PPM1E: variants seen among roughly 807,000 people sequenced by gnomAD.
PPM1E encodes protein phosphatase, Mg2+/Mn2+ dependent 1E.
In PPM1E, 20 loss-of-function variants were observed where a neutral mutation model predicts 65.9. That is an observed-to-expected ratio of 0.30 (90% CI 0.21 to 0.44). PPM1E has a LOEUF of 0.44. Ranked by LOEUF, PPM1E falls within the 20% of genes least tolerant of loss-of-function variation. PPM1E has a pLI of 1.00. For synonymous variants in PPM1E, 352 were observed against 374.9 expected, an observed-to-expected ratio of 0.94 and a Z score of 0.70; for missense variants, 713 against 953.1, an observed-to-expected ratio of 0.75 and a Z score of 3.32.
chr17:58,882,061 T>C (rs12938821), intron 1 of PPM1E, among the ~76,000 whole-genome samples: 95,041 of 149,330 alleles, frequency 0.64, 30,624 homozygotes, highest in African/African-American at 0.71. Context: ...GTCCCAGCTA[T>C]TTGGGAGGCT....
At chr17:58,831,310 AC>A (rs1329263615) in intron 1 of PPM1E, among the ~76,000 whole-genome samples, 1 of 152,098 alleles carries the variant, frequency 6.6e-6, no homozygotes, top group East Asian at 1.9e-4. Flanking sequence ...CAGACTTAAA[AC>A]TTTATCTTAA....
At chr17:58,781,881 G>A (rs1478893241) in intron 1 of PPM1E, among the ~76,000 whole-genome samples, 4 of 151,400 alleles carry the variant, frequency 2.6e-5, no homozygotes, top group African/African-American at 7.3e-5. Context: ...GCAAGACTCC[G>A]TCTCAAAAGA....
chr17:58,973,776 C>T (rs777297542), intron 6 of PPM1E, among the ~76,000 whole-genome samples: 1 of 151,908 alleles, frequency 6.6e-6, no homozygotes, highest in Non-Finnish European at 1.5e-5. Flanking sequence ...CACGATGAAT[C>T]CCCGTCTCTA....
At position 58,981,597 on chromosome 17, in the gene PPM1E, A is replaced by AAAG. The variant is rs1306449438; in HGVS notation, c.*567_*569dup. On this transcript the variant is annotated 3_prime_UTR_variant, in exon 7 of 7. Transcript: ENST00000308249. ...ACAATGAAAGTGGTAAATCAGTGTA[A>AAAG]AAGTGTCATATTCTCAGACTTGTGA... 9 of 152,686 alleles carry AAAG rather than the reference A, an allele frequency of 5.9e-5. No individual in the cohort carries two copies. Among genetic ancestry groups the AAAG allele is most frequent in the Non-Finnish European group, 1.5e-5 (1 of 68,076 alleles). 9.5% of individuals were successfully genotyped at this position (152,686 alleles called of 1,614,324 possible).
chr17:58,930,593 A>T (rs1224116406), intron 1 of PPM1E, among the ~76,000 whole-genome samples: 2 of 152,256 alleles, frequency 1.3e-5, no homozygotes, highest in African/African-American at 2.4e-5. Context: ...CAAAGTAGAG[A>T]TAGGTCAAGG....
At chr17:58,802,320 T>C (rs1218193476) in intron 1 of PPM1E, among the ~76,000 whole-genome samples, 2 of 152,184 alleles carry the variant, frequency 1.3e-5, no homozygotes, top group African/African-American at 2.4e-5. Context: ...CTTGGTACCT[T>C]TGTTGAAGAT....
At chr17:58,838,836 A>C (rs1190598455) in intron 1 of PPM1E, among the ~76,000 whole-genome samples, 1 of 152,232 alleles carries the variant, frequency 6.6e-6, no homozygotes, top group Non-Finnish European at 1.5e-5. Context: ...ATACAATGGA[A>C]TGTTATTAAG....
intron 1 of PPM1E, among the ~76,000 whole-genome samples, chr17:58,949,593 C>A (rs1452985862): frequency 1.3e-5 from 2 of 152,006 alleles, no homozygotes; most frequent in African/African-American, 2.4e-5. Context: ...TTTGTGTAAC[C>A]TTTGTTCCTT....
At chr17:58,922,495 C>T (rs2051765277) in intron 1 of PPM1E, among the ~76,000 whole-genome samples, 1 of 152,010 alleles carries the variant, frequency 6.6e-6, no homozygotes, top group Non-Finnish European at 1.5e-5. Flanking sequence ...TTCAAGCAAT[C>T]CTCCTACTTC....
Position 58,969,633 on chromosome 17 carries a change from T to C in PPM1E, c.878T>C (p.Val293Ala). The change falls in exon 4 of 7, where the codon GTC (valine) becomes GCC (alanine). Residue 293 changes from valine to alanine, a missense_variant. By Grantham distance (64) the Val-to-Ala change is moderately conservative. This residue lies in a region of PPM1E where 18 missense variants were observed against 16.4 expected (regional missense o/e 1.10). Transcript: ENST00000308249. ...TCCATTCACCTCCACGTTAACTTAGTCCGCCAGGAGATGTTCCCCCATGAT... is the reference window on the plus strand; with the variant it reads ...TCCATTCACCTCCACGTTAACTTAGCCCGCCAGGAGATGTTCCCCCATGAT... Reference protein sequence around the residue: ...YASIHLHVNLVRQEMFPHDPA... With the variant: ...YASIHLHVNLARQEMFPHDPA... 1.9e-6 allele frequency: 3 copies of C among 1,614,096 alleles called. No individual in the cohort carries two copies. Among genetic ancestry groups the C allele is most frequent in the African/African-American group, 1.3e-5 (1 of 75,020 alleles).
chr17:58,856,311 C>T (rs1330360325), intron 1 of PPM1E, among the ~76,000 whole-genome samples: 1 of 152,110 alleles, frequency 6.6e-6, no homozygotes, highest in African/African-American at 2.4e-5. Context: ...GCGATCTCTG[C>T]TCACTGCAGC....
chr17:58,821,566 T>C (rs991538053), intron 1 of PPM1E, among the ~76,000 whole-genome samples: 3 of 152,298 alleles, frequency 2.0e-5, no homozygotes, highest in African/African-American at 7.2e-5. Context: ...TTGGTATAGA[T>C]ACACACACTC....
intron 1 of PPM1E, among the ~76,000 whole-genome samples, chr17:58,871,061 G>A (rs139316495): frequency 4.7e-4 from 72 of 152,158 alleles, no homozygotes; most frequent in Non-Finnish European, 8.8e-5. Flanking sequence ...TTGTTTGTTT[G>A]TTTTGCTCTG....
intron 1 of PPM1E, among the ~76,000 whole-genome samples, chr17:58,762,748 A>T (rs2049834145): frequency 6.6e-6 from 1 of 151,980 alleles, no homozygotes; most frequent in Non-Finnish European, 1.5e-5. Context: ...ATACAAAAAA[A>T]TTAGCCGGGC....
chr17:58,756,542 A>C (rs1328324478), intron 1 of PPM1E, 81 bp downstream of exon 1: 5 of 1,239,810 alleles, frequency 4.0e-6, no homozygotes, highest in Admixed American at 8.6e-5. Flanking sequence ...CGGCCCCTCA[A>C]ACTGCTCTCT....
At chr17:58,844,031 T>G (rs2050747623) in intron 1 of PPM1E, among the ~76,000 whole-genome samples, 1 of 152,184 alleles carries the variant, frequency 6.6e-6, no homozygotes, top group Admixed American at 6.6e-5. Context: ...ATACGTCATA[T>G]GGAGTTAAAT....
intron 1 of PPM1E, among the ~76,000 whole-genome samples, chr17:58,847,488 T>C (rs918441682): frequency 1.1e-4 from 16 of 152,232 alleles, no homozygotes; most frequent in Non-Finnish European, 1.6e-4. Context: ...TTTCTACATA[T>C]GGCTAGCCAG....
intron 1 of PPM1E, among the ~76,000 whole-genome samples, chr17:58,793,365 T>TTA (rs1194248857): frequency 1.3e-5 from 2 of 150,958 alleles, no homozygotes; most frequent in South Asian, 2.1e-4. Context: ...TATTATTATT[T>TTA]TTTTTTTTGA....
rs568429710 is a variant in PPM1E, at chr17:58,757,462, A to G, written c.464+1001A>G. Among the ~76,000 whole-genome samples, 15 of 152,326 alleles carry G rather than the reference A, an allele frequency of 9.8e-5. No homozygotes were observed. In the East Asian group the frequency reaches 1.9e-3, roughly 20 times the overall value. The stretch of plus-strand genomic sequence containing the variant: ...AATAATGACAGAGGAGAATACTAGT[A>G]AGTCTCTGAAAACATTGGTAAACCT... On this transcript the variant is annotated intron_variant, in intron 1 of 6. Coordinates refer to ENST00000308249, the MANE Select transcript of PPM1E (RefSeq NM_014906.5).
Sources: allele counts gnomAD v4.1 joint callset (sites outside exome capture counted in the v4.1 genomes callset), GRCh38; gene constraint gnomAD v4.1.1; regional missense constraint gnomAD v4.1.1; transcripts MANE v1.5; gene names NCBI Gene and HGNC (gene_info 2026-07-23, HGNC 2026-07-21).